The following APC variants were observed in gnomAD, a reference collection of about 807,000 sequenced individuals.
APC encodes the protein adenomatous polyposis coli protein.
Under a neutral mutation model 247.0 loss-of-function variants are expected in APC, and 72 were observed. The ratio of observed to expected loss-of-function variants is 0.29; its 90% CI spans 0.24 to 0.35. The LOEUF (loss-of-function observed/expected upper bound fraction) is 0.35. Among genes scored for constraint, APC ranks in the 10% least tolerant of loss-of-function variants. APC has a pLI of 1.00. For missense variants in APC, 3,400 were observed against 3,360.7 expected (o/e 1.01, Z -0.29); for synonymous variants, 1,254 against 1,162.5 (o/e 1.08, Z -1.60).
intron 1 of APC, among the ~76,000 whole-genome samples, chr5:112,709,069 T>C (rs1750697430): frequency 6.6e-6 from 1 of 152,232 alleles, no homozygotes; most frequent in African/African-American, 2.4e-5. Context: ...AAAATATAAA[T>C]GATAGCTTGC....
rs1554069500 is a variant in APC at position 112,766,343 on chromosome 5, A to G, written c.153A>G (p.Leu51=). The change falls in exon 3 of 16, where the codon CTA becomes CTG. Residue 51 remains leucine (L), a synonymous_variant. Coordinates refer to ENST00000257430, the MANE Select transcript of APC (RefSeq NM_000038.6). Reference sequence around the variant, plus strand: ...TTTAACAGGAAGTACTTAAACAACTACAAGGAAGTATTGAAGATGAAGCTA... The same window carrying G: ...TTTAACAGGAAGTACTTAAACAACTGCAAGGAAGTATTGAAGATGAAGCTA... ...ASNMKEVLKQ[L]QGSIEDEAMA... 4.4e-6 allele frequency: 7 copies of G among 1,607,634 alleles called. No individual in the cohort carries two copies. The highest frequency in any genetic ancestry group is 1.3e-5 in the African/African-American group (1 of 74,802).
chr5:112,736,424 C>T (rs1198684347), upstream of APC, among the ~76,000 whole-genome samples: 3 of 151,968 alleles, frequency 2.0e-5, no homozygotes, highest in African/African-American at 7.3e-5. Context: ...AAACAAAGCA[C>T]GAAAGGACAG....
rs375080917 is a variant in APC at position 112,843,188 on chromosome 5, C to T, written c.7594C>T (p.His2532Tyr). The T allele has an allele frequency of 1.4e-5, 22 of 1,613,254 alleles. No individual in the cohort carries two copies. The highest frequency in any genetic ancestry group is 4.0e-5 in the African/African-American group (3 of 74,892). ...AAAGCGCCATGATATTGCACGGTCT[C>T]ATTCTGAAAGTCCTTCTAGACTTCC... ...PAKRHDIARS[H>Y]SESPSRLPIN... The change falls in exon 16 of 16, where the codon CAT (histidine) becomes TAT (tyrosine). Residue 2532 changes from histidine (H) to tyrosine (Y), a missense_variant. His to Tyr is a moderately conservative substitution (Grantham distance 83). Around this residue, in one of 9 missense-constraint regions of APC, gnomAD observed 1,788 missense variants for 1,649.5 expected, o/e 1.08. Coordinates refer to ENST00000257430, the MANE Select transcript of APC (RefSeq NM_000038.6). This position sits in a 1 kb window ranked among gnomAD's most constrained non-coding sequence, Gnocchi z 4.8.
chr5:112,770,583 G>A (rs965717460), intron 4 of APC, among the ~76,000 whole-genome samples: 1 of 152,122 alleles, frequency 6.6e-6, no homozygotes, highest in East Asian at 1.9e-4. Context: ...TTGTTAGAAG[G>A]TTCTCAACTC....
chr5:112,770,902 C>T (rs1756965955), intron 4 of APC, among the ~76,000 whole-genome samples: 1 of 152,042 alleles, frequency 6.6e-6, no homozygotes, highest in African/African-American at 2.4e-5. Context: ...TTGTTCTTTC[C>T]TGTGAGTGAC....
chr5:112,709,968 C>G (rs1421078307), intron 1 of APC, among the ~76,000 whole-genome samples: 5 of 152,134 alleles, frequency 3.3e-5, no homozygotes, highest in Non-Finnish European at 7.3e-5. Flanking sequence ...TCCTTTCTCT[C>G]TCTCTTTCTC....
chr5:112,730,395 G>A (rs796982800), intron 1 of APC, among the ~76,000 whole-genome samples: 3 of 152,304 alleles, frequency 2.0e-5, no homozygotes, highest in African/African-American at 7.2e-5. Context: ...GGAGGATGAG[G>A]CAATATAGTC....
intron 15 of APC, among the ~76,000 whole-genome samples, chr5:112,836,730 G>A (rs1381119231): frequency 2.6e-5 from 4 of 151,182 alleles, no homozygotes; most frequent in Non-Finnish European, 5.9e-5. Context: ...TTTTTGAGAT[G>A]GAGTCTCACT....
chr5:112,740,110 C>T (rs1404659826), intron 1 of APC, among the ~76,000 whole-genome samples: 1 of 151,976 alleles, frequency 6.6e-6, no homozygotes, highest in Non-Finnish European at 1.5e-5. Context: ...ACAAATTATT[C>T]AAAAAATGAA....
intron 5 of APC, among the ~76,000 whole-genome samples, chr5:112,779,660 A>G (rs934971657): frequency 3.3e-5 from 5 of 151,538 alleles, no homozygotes; most frequent in Admixed American, 6.6e-5. Context: ...ATACTGTGTC[A>G]TGTTCAATTT....
chr5:112,810,095 G>A, intron 8 of APC: 1 of 455,880 alleles, frequency 2.2e-6, no homozygotes. Context: ...CAGACTATAA[G>A]TTTGAGAGAA....
chr5:112,768,114 G>A (rs1756573357), intron 4 of APC, among the ~76,000 whole-genome samples: 1 of 150,352 alleles, frequency 6.7e-6, no homozygotes, highest in Non-Finnish European at 1.5e-5. Context: ...CACAATCTCG[G>A]CTCACTGCAA....
intron 1 of APC, among the ~76,000 whole-genome samples, chr5:112,716,720 A>G (rs1561400731): frequency 6.6e-6 from 1 of 152,214 alleles, no homozygotes; most frequent in South Asian, 2.1e-4. Context: ...AGGCTATGCT[A>G]TTAGATGCAT....
At chr5:112,777,191 G>C (rs1757750069) in intron 5 of APC, among the ~76,000 whole-genome samples, 1 of 151,924 alleles carries the variant, frequency 6.6e-6, no homozygotes, top group Non-Finnish European at 1.5e-5. Context: ...CAGAAACATT[G>C]GATTACCTGT....
In APC at chr5:112,835,234, C is replaced by G. The variant is rs937296663; in HGVS notation, c.1958+69C>G. The G allele has an allele frequency of 4.2e-5, 57 of 1,342,060 alleles. No homozygotes were observed. In the African/African-American group the frequency reaches 7.7e-4, roughly 18 times the overall value. 83.1% of individuals were successfully genotyped at this position (1,342,060 alleles called of 1,614,324 possible). A position where few individuals can be genotyped will look rare whatever the true frequency, so the allele number is the denominator to read the frequency against. On this transcript the variant is annotated intron_variant, in intron 15 of 15. Transcript: ENST00000257430. ...ACTCTCAAAAAGACCTAATTGTAAG[C>G]AATGTTTTATATAATCATGAAAGTT...
chr5:112,764,263 A>G (rs1482471705), intron 2 of APC, among the ~76,000 whole-genome samples: 6 of 145,634 alleles, frequency 4.1e-5, no homozygotes, highest in Non-Finnish European at 9.1e-5. Context: ...AAAAAAAAAA[A>G]GAGACCTGAT....
rs777515315 is a variant in APC, at chr5:112,837,986, G to C, written c.2392G>C (p.Asp798His). 1 of 1,614,088 alleles carries C rather than the reference G, an allele frequency of 6.2e-7. No individual in the cohort carries two copies. Among genetic ancestry groups the C allele is most frequent in the South Asian group, 1.1e-5 (1 of 91,072 alleles). ...KQRHKQSLYG[D>H]YVFDTNRHDD... ...GAGACACAAGCAAAGTCTCTATGGTGATTATGTTTTTGACACCAATCGACA... is the reference window on the plus strand; with the variant it reads ...GAGACACAAGCAAAGTCTCTATGGTCATTATGTTTTTGACACCAATCGACA... The change falls in exon 16 of 16, where the codon GAT (aspartate) becomes CAT (histidine). Residue 798 changes from aspartate (D) to histidine (H), a missense_variant. Asp to His is a moderately conservative substitution (Grantham distance 81). Around this residue, in one of 9 missense-constraint regions of APC, gnomAD observed 91 missense variants for 103.3 expected, o/e 0.88. Transcript: ENST00000257430.
chr5:112,811,554 T>A (rs1328068305), intron 8 of APC, among the ~76,000 whole-genome samples: 1 of 152,142 alleles, frequency 6.6e-6, no homozygotes, highest in Non-Finnish European at 1.5e-5. Context: ...ACATCTAAAT[T>A]TCTACTGAGA....
At chr5:112,733,111 G>A (rs1752178365), upstream of APC, among the ~76,000 whole-genome samples, 1 of 152,180 alleles carries the variant, frequency 6.6e-6, no homozygotes. Context: ...AAGTATCTCA[G>A]TAGAGTAGCG....
Sources: gnomAD v4.1 joint callset for allele counts (sites outside exome capture counted in the v4.1 genomes callset) on GRCh38, gnomAD v4.1.1 for gene constraint, gnomAD v4.1.1 regional missense constraint, Gnocchi (gnomAD v3.1) non-coding constraint, MANE v1.5 for transcripts, NCBI Gene and HGNC (gene_info 2026-07-23, HGNC 2026-07-21) for gene names.